Variants in CTNND2 observed in about 807,000 individuals in gnomAD.
The protein encoded by CTNND2 is catenin delta 2.
A neutral mutation model predicts 144.4 loss-of-function variants in CTNND2; 22 were observed. The ratio of observed to expected loss-of-function variants is 0.15; its 90% CI spans 0.11 to 0.22. The LOEUF (loss-of-function observed/expected upper bound fraction) is 0.22. CTNND2 is among the 10% of genes least tolerant of loss of function. The probability of loss-of-function intolerance (pLI) is 1.00; values close to 1 mark genes in which losing one functional copy is unlikely to be tolerated. For missense variants in CTNND2, 1,353 were observed against 1,618.8 expected, an observed-to-expected ratio of 0.84 and a Z score of 2.82; for synonymous variants, 751 against 695.6, an observed-to-expected ratio of 1.08 and a Z score of -1.25.
At chr5:11,882,744 G>A (rs1327290896) in intron 1 of CTNND2, among the ~76,000 whole-genome samples, 1 of 152,072 alleles carries the variant, frequency 6.6e-6, no homozygotes, top group African/African-American at 2.4e-5. Flanking sequence ...GTAGTGTGAT[G>A]CCTCCAGCTC....
At chr5:11,447,342 CAA>C (rs1166103735) in intron 3 of CTNND2, among the ~76,000 whole-genome samples, 2 of 95,150 alleles carry the variant, frequency 2.1e-5, no homozygotes, top group African/African-American at 3.6e-5. Flanking sequence ...ATGCCGTTTA[CAA>C]AAAAAAAAAA....
intron 2 of CTNND2, among the ~76,000 whole-genome samples, chr5:11,602,726 A>G (rs1779864003): frequency 6.8e-6 from 1 of 146,194 alleles, no homozygotes; most frequent in Admixed American, 7.0e-5. Context: ...TATATATTTT[A>G]TATGTAATAT....
chr5:11,621,470 GATC>G lies in CTNND2; in HGVS notation c.175-56417_175-56415del, dbSNP rs200442422. Among the ~76,000 whole-genome samples, 386 of 152,144 alleles carry G rather than the reference GATC, an allele frequency of 2.5e-3. 18 individuals carry two copies. In the East Asian group the frequency reaches 0.061, roughly 24 times the overall value. ...TATATTATATTAGAGGTTTTTGTTA[GATC>G]ACAGATTTAACTTTGGAATTTGTAT... On this transcript the variant is annotated intron_variant, in intron 2 of 21. Coordinates refer to ENST00000304623, the MANE Select transcript of CTNND2 (RefSeq NM_001332.4).
intron 8 of CTNND2, among the ~76,000 whole-genome samples, chr5:11,348,546 G>GA (rs1755031866): frequency 6.6e-6 from 1 of 151,150 alleles, no homozygotes; most frequent in Admixed American, 6.6e-5. Context: ...TAATCTTGCT[G>GA]AAAATGGTTT....
At chr5:11,455,722 G>T (rs914337353) in intron 3 of CTNND2, among the ~76,000 whole-genome samples, 12 of 152,136 alleles carry the variant, frequency 7.9e-5, no homozygotes, top group African/African-American at 2.9e-4. Context: ...GGAGAGAAAA[G>T]AAGTGGATGA....
chr5:11,288,804 GA>G (rs951543704), intron 9 of CTNND2, among the ~76,000 whole-genome samples: 76 of 99,198 alleles, frequency 7.7e-4, no homozygotes, highest in Non-Finnish European at 1.5e-3. Context: ...CCTATGATGA[GA>G]AAAAAAAAGA....
At chr5:11,712,942 A>G (rs1375909319) in intron 2 of CTNND2, among the ~76,000 whole-genome samples, 1 of 152,192 alleles carries the variant, frequency 6.6e-6, no homozygotes, top group Non-Finnish European at 1.5e-5. Flanking sequence ...ATTTTTTGAT[A>G]ATATAGTCAT....
At chr5:11,075,649 C>A (rs1043240400) in intron 16 of CTNND2, among the ~76,000 whole-genome samples, 3 of 152,232 alleles carry the variant, frequency 2.0e-5, no homozygotes, top group Admixed American at 1.3e-4. Context: ...CCACCCGGGG[C>A]AGCCAGTGGA....
chr5:11,028,797 C>A (rs1269248286), intron 16 of CTNND2, among the ~76,000 whole-genome samples: 1 of 152,172 alleles, frequency 6.6e-6, no homozygotes, highest in Non-Finnish European at 1.5e-5. Context: ...CAACCTCTGC[C>A]TCCTGGGTTC....
intron 3 of CTNND2, among the ~76,000 whole-genome samples, chr5:11,493,811 C>T (rs1338071533): frequency 6.6e-6 from 1 of 152,006 alleles, no homozygotes; most frequent in Non-Finnish European, 1.5e-5. Context: ...ACATGCTATT[C>T]TTTTAAGAAA....
At chr5:11,409,837 T>G (rs1175361463) in intron 5 of CTNND2, among the ~76,000 whole-genome samples, 2 of 152,092 alleles carry the variant, frequency 1.3e-5, no homozygotes, top group Non-Finnish European at 2.9e-5. Context: ...TTACTGCAAA[T>G]TTGAACTTTT....
chr5:11,059,014 GC>G (rs1746636176), intron 16 of CTNND2, among the ~76,000 whole-genome samples: 1 of 152,154 alleles, frequency 6.6e-6, no homozygotes, highest in Non-Finnish European at 1.5e-5. Context: ...GAAGTAACTA[GC>G]TTGCTTTTGA....
chr5:11,515,864 C>T (rs1192793398), intron 3 of CTNND2, among the ~76,000 whole-genome samples: 2 of 152,088 alleles, frequency 1.3e-5, no homozygotes, highest in Admixed American at 1.3e-4. Flanking sequence ...CTTTGGGAAG[C>T]TGAGGGTGGA....
intron 9 of CTNND2, among the ~76,000 whole-genome samples, chr5:11,330,341 G>A (rs4515266): frequency 0.014 from 2,025 of 144,420 alleles, 62 homozygotes; most frequent in African/African-American, 0.052. Flanking sequence ...AAAATTAGCC[G>A]GGCGTGGTGG....
intron 6 of CTNND2, 70 bp downstream of exon 6, chr5:11,396,961 A>AT: frequency 7.0e-7 from 1 of 1,435,588 alleles, no homozygotes; most frequent in Non-Finnish European, 9.4e-7. Flanking sequence ...CAATCTCCAC[A>AT]TCCACTGCAT....
At chr5:11,697,511 T>C (rs190311899) in intron 2 of CTNND2, among the ~76,000 whole-genome samples, 1 of 152,328 alleles carries the variant, frequency 6.6e-6, no homozygotes. Flanking sequence ...AACAGTATAC[T>C]GTATCAATCA....
chr5:11,556,082 T>C (rs1310821314), intron 3 of CTNND2, among the ~76,000 whole-genome samples: 1 of 152,162 alleles, frequency 6.6e-6, no homozygotes, highest in Non-Finnish European at 1.5e-5. Context: ...GAAATGGTTT[T>C]TTTCCTAGCA....
intron 3 of CTNND2, among the ~76,000 whole-genome samples, chr5:11,489,037 G>A (rs1769121674): frequency 7.3e-6 from 1 of 137,878 alleles, no homozygotes; most frequent in South Asian, 2.5e-4. Flanking sequence ...CAGTTTTGGT[G>A]TAGACACAAG....
intron 10 of CTNND2, among the ~76,000 whole-genome samples, chr5:11,204,308 G>A (rs1737813659): frequency 1.4e-5 from 2 of 147,548 alleles, no homozygotes; most frequent in African/African-American, 4.9e-5. Context: ...TTCCCAGTTT[G>A]CACCAGGGGA....
Sources: gnomAD v4.1 joint callset for allele counts (sites outside exome capture counted in the v4.1 genomes callset) on GRCh38, gnomAD v4.1.1 for gene constraint, MANE v1.5 for transcripts, NCBI Gene and HGNC (gene_info 2026-07-23, HGNC 2026-07-21) for gene names.